NASP: variants seen among roughly 807,000 people sequenced by gnomAD.
NASP encodes NASP histone chaperone.
In NASP, 24 loss-of-function variants were observed where a neutral mutation model predicts 89.5. That is an observed-to-expected ratio of 0.27 (90% CI 0.19 to 0.38). The LOEUF is 0.38. Among genes scored for constraint, NASP ranks in the 10% least tolerant of loss-of-function variants. The pLI is 1.00. For synonymous variants in NASP, 306 were observed against 324.7 expected (o/e 0.94, Z 0.62); for missense variants, 848 against 921.4 (o/e 0.92, Z 1.03).
chr1:45,612,947 C>A, intron 6 of NASP: 1 of 436,090 alleles, frequency 2.3e-6, no homozygotes, highest in Non-Finnish European at 3.7e-6. Flanking sequence ...CTTTTAATTG[C>A]TGAAGGTCTG....
chr1:45,606,564 C>G lies in NASP; in HGVS notation c.382C>G (p.Leu128Val), dbSNP rs1174774216. ...EEGEKTEDES[L>V]VENNDNIDEE... ...AGGAGAAAAAACAGAAGATGAATCT[C>G]TGGTAGAAAATAATGATAACATAGA... Residue 128 changes from leucine (L) to valine (V), a missense_variant, in exon 5 of 15, where the codon CTG becomes GTG. Coordinates refer to ENST00000350030, the MANE Select transcript of NASP (RefSeq NM_002482.4). The G allele has an allele frequency of 4.3e-6, 7 of 1,609,904 alleles. No homozygotes were observed.
intron 2 of NASP, among the ~76,000 whole-genome samples, chr1:45,597,606 T>C (rs1009510350): frequency 3.9e-5 from 6 of 152,174 alleles, no homozygotes; most frequent in Admixed American, 2.0e-4. Flanking sequence ...GTTATTAACA[T>C]GTAACATTTT....
intron 2 of NASP, among the ~76,000 whole-genome samples, chr1:45,600,176 C>T (rs909958060): frequency 1.3e-5 from 2 of 152,090 alleles, no homozygotes; most frequent in African/African-American, 2.4e-5. Context: ...GACTCTTGCT[C>T]TTTTGACCCA....
At chr1:45,587,320 G>C (rs563819599) in intron 1 of NASP, among the ~76,000 whole-genome samples, 5 of 151,976 alleles carry the variant, frequency 3.3e-5, no homozygotes, top group Non-Finnish European at 7.4e-5. Context: ...CCAAGTAGCT[G>C]GGACTGCAGG....
intron 2 of NASP, among the ~76,000 whole-genome samples, chr1:45,594,204 C>G (rs1334698835): frequency 1.3e-5 from 2 of 151,802 alleles, no homozygotes; most frequent in Non-Finnish European, 2.9e-5. Flanking sequence ...TGGCTAGCGC[C>G]TGTAATTCCA....
At chr1:45,606,444 A>G (rs753318382) in intron 4 of NASP, 38 bp from the exon 5 acceptor site, 3 of 1,484,458 alleles carry the variant, frequency 2.0e-6, no homozygotes, top group Non-Finnish European at 2.8e-6. Context: ...GCTAGGTTCT[A>G]GCCATCAAAC....
At chr1:45,613,550 G>T (rs772265897) in intron 7 of NASP, among the ~76,000 whole-genome samples, 1 of 152,140 alleles carries the variant, frequency 6.6e-6, no homozygotes, top group Non-Finnish European at 1.5e-5. Flanking sequence ...GGCATGATCA[G>T]GGCTCACTGT....
chr1:45,614,333 C>A lies in NASP; in HGVS notation c.1633C>A (p.His545Asn). 6.2e-7 allele frequency: 1 copy of A among 1,614,062 alleles called. No homozygotes were observed. ...KEAQLYAAQA[H>N]LKLGEVSVES... is the part of the protein sequence containing the mutation. ...AGCACAGCTTTATGCTGCCCAGGCA[C>A]ATCTTAAACTCGGAGAAGTTAGTGT... Residue 545 changes from histidine to asparagine, a missense_variant, in exon 9 of 15, where the codon CAT becomes AAT. Transcript: ENST00000350030.
chr1:45,592,514 TTTTG>T (rs545980036), intron 2 of NASP, among the ~76,000 whole-genome samples: 102 of 152,188 alleles, frequency 6.7e-4, no homozygotes, highest in Non-Finnish European at 1.2e-3. Context: ...CTTACAAATA[TTTTG>T]TTTGTTTGTT....
At chr1:45,587,677 T>TAC (rs1644574604) in intron 1 of NASP, among the ~76,000 whole-genome samples, 12 of 86,480 alleles carry the variant, frequency 1.4e-4, no homozygotes, top group South Asian at 4.3e-4. Context: ...TATATATATA[T>TAC]ATATATATAT....
At chr1:45,591,360 T>C in intron 2 of NASP, 90 bp downstream of exon 2, 1 of 963,108 alleles carries the variant, frequency 1.0e-6, no homozygotes, top group African/African-American at 1.7e-5. Flanking sequence ...TTTTAATTAA[T>C]TTATTTTTGA....
In NASP at chr1:45,616,644, A is replaced by G. The variant is rs760662647; in HGVS notation, c.2098A>G (p.Thr700Ala). The G allele has an allele frequency of 6.2e-7, 1 of 1,614,172 alleles. No homozygotes were observed. Among genetic ancestry groups the G allele is most frequent in the African/African-American group, 1.3e-5 (1 of 75,058 alleles). ...TTGCCAGATTGCCAGTAGAAAGCCAACAGACGGTGCTTCCTCATCAAATTG... is the reference window on the plus strand; with the variant it reads ...TTGCCAGATTGCCAGTAGAAAGCCAGCAGACGGTGCTTCCTCATCAAATTG... Reference protein sequence around the residue: ...SVSMIASRKPTDGASSSNCVT... With the variant: ...SVSMIASRKPADGASSSNCVT... The change falls in exon 13 of 15, where the codon ACA becomes GCA. Residue 700 changes from threonine (T) to alanine (A), a missense_variant. Transcript: ENST00000350030.
intron 6 of NASP, chr1:45,612,965 G>C (rs542772520): frequency 3.4e-6 from 2 of 579,870 alleles, no homozygotes; most frequent in Non-Finnish European, 5.2e-6. Flanking sequence ...CTGACCCATA[G>C]ACTAAGATTG....
intron 2 of NASP, chr1:45,600,247 C>A: frequency 2.7e-6 from 1 of 375,492 alleles, no homozygotes; most frequent in Non-Finnish European, 4.0e-6. Flanking sequence ...CAGGAAACTG[C>A]ACATAACTTT....
Position 45,595,129 on chromosome 1 carries a change from T to TTGTGTGTGTG in NASP, c.107+3909_107+3918dup, listed in dbSNP as rs57391869. On this transcript the variant is annotated intron_variant, in intron 2 of 14. Transcript: ENST00000350030. The stretch of plus-strand genomic sequence containing the variant: ...CTGCCTCAGCCTGCCAGACTAAGTT[T>TTGTGTGTGTG]TGTGTGTGTGTGTGTGTGTGTGTGT... Among the ~76,000 whole-genome samples, 358 of 111,854 alleles carry TTGTGTGTGTG rather than the reference T, an allele frequency of 3.2e-3. 4 individuals are homozygous for TTGTGTGTGTG. The highest frequency in any genetic ancestry group is 7.9e-3 in the East Asian group (29 of 3,670). The allele number at this position is 111,854 out of a possible 152,430, so 73.4% of individuals were successfully genotyped here. A position where few individuals can be genotyped will look rare whatever the true frequency, so the allele number is the denominator to read the frequency against.
intron 9 of NASP, 153 bp from the exon 10 acceptor site, chr1:45,614,860 T>C: frequency 1.4e-6 from 1 of 715,042 alleles, no homozygotes; most frequent in East Asian, 2.8e-5. Flanking sequence ...AAAAGTCATT[T>C]TGACTTTCTT....
chr1:45,587,448 A>G (rs1470909017), intron 1 of NASP, among the ~76,000 whole-genome samples: 1 of 151,738 alleles, frequency 6.6e-6, no homozygotes, highest in Non-Finnish European at 1.5e-5. Flanking sequence ...GCCCGGCTGC[A>G]GTTATGATTT....
At chr1:45,609,754 C>T (rs953239648) in intron 6 of NASP, 2 of 152,206 alleles carry the variant, frequency 1.3e-5, no homozygotes, top group African/African-American at 4.8e-5. Flanking sequence ...GCCCAAGTTA[C>T]AGTGATGAGG....
At chr1:45,590,233 G>C (rs1643498429) in intron 1 of NASP, among the ~76,000 whole-genome samples, 1 of 152,074 alleles carries the variant, frequency 6.6e-6, no homozygotes, top group Admixed American at 6.5e-5. Context: ...GTCTAGGCTT[G>C]TGCTAAGCAA....
Sources: allele counts gnomAD v4.1 joint callset (sites outside exome capture counted in the v4.1 genomes callset), GRCh38; gene constraint gnomAD v4.1.1; transcripts MANE v1.5; gene names NCBI Gene and HGNC (gene_info 2026-07-23, HGNC 2026-07-21).